Variants in TWF1 observed in about 807,000 individuals in gnomAD.
TWF1 encodes twinfilin actin binding protein 1.
Under a neutral mutation model 47.9 loss-of-function variants are expected in TWF1, and 14 were observed. The observed-to-expected ratio is 0.29, with a 90% CI of 0.19 to 0.46. The LOEUF is 0.46. Among genes scored for constraint, TWF1 ranks in the 20% least tolerant of loss-of-function variants. TWF1 has a pLI of 1.00. For synonymous variants in TWF1, 96 were observed against 139.2 expected (o/e 0.69, Z 2.18); for missense variants, 281 against 409.3 (o/e 0.69, Z 2.70).
chr12:43,797,129 G>T (rs1324661998), intron 7 of TWF1, 32 bp from the exon 8 acceptor site: 1 of 1,551,864 alleles, frequency 6.4e-7, no homozygotes, highest in East Asian at 2.3e-5. Context: ...AATATAATTA[G>T]CATATCAATA....
At chr12:43,800,403 C>T in intron 4 of TWF1, 32 bp downstream of exon 4, 1 of 1,528,470 alleles carries the variant, frequency 6.5e-7, no homozygotes, top group Non-Finnish European at 9.0e-7. Context: ...ATTTTAATTG[C>T]AACATATAGA....
At chr12:43,805,706 T>A in intron 1 of TWF1, 1 of 953,988 alleles carries the variant, frequency 1.0e-6, no homozygotes, top group Non-Finnish European at 1.5e-6. Context: ...TTTTCCTATT[T>A]GGAGAGAAAA....
chr12:43,804,417 C>T, intron 2 of TWF1, 78 bp downstream of exon 2: 1 of 894,270 alleles, frequency 1.1e-6, no homozygotes, highest in Non-Finnish European at 1.8e-6. Flanking sequence ...GTTCAAATCA[C>T]TGACAACACA....
Position 43,799,514 on chromosome 12 carries a change from G to C in TWF1, c.379-12C>G. Reference sequence around the variant, plus strand: ...AATGATACATCTTCCTGTAAGTACAGAATAGACTATAATCAGTAATTCTCT... The same window carrying C: ...AATGATACATCTTCCTGTAAGTACACAATAGACTATAATCAGTAATTCTCT... On this transcript the variant is annotated splice_polypyrimidine_tract_variant and intron_variant, in intron 4 of 8. Coordinates refer to ENST00000395510, the MANE Select transcript of TWF1 (RefSeq NM_002822.5). The C allele has an allele frequency of 6.7e-7, 1 of 1,483,348 alleles. No homozygotes were observed. 91.9% of individuals were successfully genotyped at this position (1,483,348 alleles called of 1,614,324 possible).
At chr12:43,806,107 G>C (rs1337311466) in intron 1 of TWF1, 114 bp downstream of exon 1, 16 of 1,522,734 alleles carry the variant, frequency 1.1e-5, no homozygotes, top group Non-Finnish European at 1.4e-5. Context: ...CGCCCCGCGA[G>C]ACCGACTTCC....
chr12:43,797,493 T>C, intron 6 of TWF1, 41 bp from the exon 7 acceptor site: 1 of 1,468,800 alleles, frequency 6.8e-7, no homozygotes, highest in Non-Finnish European at 9.2e-7. Context: ...AAACCAGATA[T>C]AAGGAAATTA....
chr12:43,804,249 C>T (rs980744342), intron 2 of TWF1: 2 of 497,856 alleles, frequency 4.0e-6, no homozygotes, highest in African/African-American at 3.9e-5. Context: ...AACTGAGACA[C>T]AAAAAGTAAA....
At position 43,806,305 on chromosome 12, in the gene TWF1, G is replaced by A; in HGVS notation, c.-60C>T. The stretch of plus-strand genomic sequence containing the variant: ...GTGCAGCCAGCGGCCCCGGCCGGCG[G>A]CCCCAGGAAGTGGCTGCTCCTCCGC... On this transcript the variant is annotated 5_prime_UTR_variant, in exon 1 of 9. Transcript: ENST00000395510. The A allele has an allele frequency of 3.5e-6, 5 of 1,429,998 alleles. No individual in the cohort carries two copies. Among genetic ancestry groups the A allele is most frequent in the Middle Eastern group, 2.4e-4 (1 of 4,082 alleles). 88.6% of individuals were successfully genotyped at this position (1,429,998 alleles called of 1,614,324 possible). A position where few individuals can be genotyped will look rare whatever the true frequency, so the allele number is the denominator to read the frequency against.
chr12:43,800,362 T>C lies in TWF1; in HGVS notation c.378+73A>G, dbSNP rs1313908951. The C allele has an allele frequency of 5.8e-6, 6 of 1,035,162 alleles. No homozygotes were observed. The Admixed American group carries it at 1.3e-4, about 22-fold the overall frequency. 64.1% of individuals were successfully genotyped at this position (1,035,162 alleles called of 1,614,324 possible). A position where few individuals can be genotyped will look rare whatever the true frequency, so the allele number is the denominator to read the frequency against. The stretch of plus-strand genomic sequence containing the variant: ...GATTATCCATCTGAATTCGTATCAA[T>C]TACCCATTACCTAGGAGTTCCTCTT... On this transcript the variant is annotated intron_variant, in intron 4 of 8. Transcript: ENST00000395510.
At position 43,805,550 on chromosome 12, in the gene TWF1, G is replaced by GA. The variant is rs555740656; in HGVS notation, c.25+670dup. 116 of 458,940 alleles carry GA rather than the reference G, an allele frequency of 2.5e-4. 1 individual carries two copies. The East Asian group carries it at 7.6e-3, about 30-fold the overall frequency. 28.4% of individuals were successfully genotyped at this position (458,940 alleles called of 1,614,324 possible). ...TGCAGGCTGCCCAATTTCAAACCAG[G>GA]AAATAATGGAGGTCAGATATAACTG... On this transcript the variant is annotated intron_variant, in intron 1 of 8. Coordinates refer to ENST00000395510, the MANE Select transcript of TWF1 (RefSeq NM_002822.5).
At position 43,797,817 on chromosome 12, in the gene TWF1, CCCA is replaced by C; in HGVS notation, c.497_499del (p.Val166del). On this transcript the variant is annotated inframe_deletion, in exon 6 of 9. Transcript: ENST00000395510. Reference sequence around the variant, plus strand: ...TAGTGTTTGATGCTTAGTGTCCACACCCACGTCAGTCTGTACCTAAGTATGACA... The same window carrying C: ...TAGTGTTTGATGCTTAGTGTCCACACCGTCAGTCTGTACCTAAGTATGACA... 6.2e-7 allele frequency: 1 copy of C among 1,613,226 alleles called. No individual in the cohort carries two copies. The highest frequency in any genetic ancestry group is 2.2e-5 in the East Asian group (1 of 44,856).
At chr12:43,799,872 T>C (rs1347931097) in intron 4 of TWF1, among the ~76,000 whole-genome samples, 1 of 152,096 alleles carries the variant, frequency 6.6e-6, no homozygotes, top group Non-Finnish European at 1.5e-5. Flanking sequence ...CTGAATACTA[T>C]GTTATAATGC....
rs760088863 is a variant in TWF1 at position 43,797,760 on chromosome 12, G to A, written c.557C>T (p.Ala186Val). The A allele has an allele frequency of 1.9e-6, 3 of 1,613,332 alleles. No individual in the cohort carries two copies. Among genetic ancestry groups the A allele is most frequent in the Non-Finnish European group, 1.7e-6 (2 of 1,179,562 alleles). ...QGVAFPISREAFQALEKLNNR... is the reference protein window; with the variant it reads ...QGVAFPISREVFQALEKLNNR... The stretch of plus-strand genomic sequence containing the variant: ...ATTCAATTTTTCCAAAGCCTGAAAG[G>A]CTTCTCGAGAAATGGGAAATGCTAC... Residue 186 changes from alanine (A) to valine (V), a missense_variant, in exon 6 of 9, where the codon GCC (alanine) becomes GTC (valine). Coordinates refer to ENST00000395510, the MANE Select transcript of TWF1 (RefSeq NM_002822.5).
At position 43,797,046 on chromosome 12, in the gene TWF1, A is replaced by G; in HGVS notation, c.812T>C (p.Leu271Pro). The G allele has an allele frequency of 6.2e-7, 1 of 1,611,470 alleles. No individual in the cohort carries two copies. The highest frequency in any genetic ancestry group is 8.5e-7 in the Non-Finnish European group (1 of 1,178,706). ...CAGACGGCTCTTGCAGCTAGAATAC[A>G]GCATCCGCTCTCTTATACTGCATGT... The part of the protein sequence containing the change: ...GYTCSIRERM[L>P]YSSCKSRLLE... Residue 271 changes from leucine to proline, a missense_variant, in exon 8 of 9, where the codon CTG (leucine) becomes CCG (proline). Physicochemically the swap from Leu to Pro is moderately conservative, Grantham distance 98. Transcript: ENST00000395510.
intron 3 of TWF1, among the ~76,000 whole-genome samples, chr12:43,801,903 G>A (rs1301629341): frequency 6.6e-6 from 1 of 152,134 alleles, no homozygotes; most frequent in African/African-American, 2.4e-5. Context: ...GGTGGCACAT[G>A]CCTGTAATCC....
intron 8 of TWF1, among the ~76,000 whole-genome samples, chr12:43,796,219 G>A (rs1942548036): frequency 6.6e-6 from 1 of 152,086 alleles, no homozygotes; most frequent in Non-Finnish European, 1.5e-5. Flanking sequence ...GATTATATGT[G>A]GCTTGGCAAA....
At chr12:43,804,614 T>C in intron 1 of TWF1, 42 bp from the exon 2 acceptor site, 1 of 1,348,944 alleles carries the variant, frequency 7.4e-7, no homozygotes, top group Non-Finnish European at 1.0e-6. Context: ...TATACTTACA[T>C]ATAAATACTT....
At position 43,799,520 on chromosome 12, in the gene TWF1, A is replaced by C; in HGVS notation, c.379-18T>G. On this transcript the variant is annotated intron_variant, in intron 4 of 8. Coordinates refer to ENST00000395510, the MANE Select transcript of TWF1 (RefSeq NM_002822.5). ...ACATCTTCCTGTAAGTACAGAATAG[A>C]CTATAATCAGTAATTCTCTAGAAGT... 2 of 1,418,580 alleles carry C rather than the reference A, an allele frequency of 1.4e-6. No homozygotes were observed. The highest frequency in any genetic ancestry group is 2.0e-6 in the Non-Finnish European group (2 of 1,025,088). 87.9% of individuals were successfully genotyped at this position (1,418,580 alleles called of 1,614,324 possible).
chr12:43,800,573 T>C, intron 3 of TWF1, 43 bp from the exon 4 acceptor site: 1 of 1,478,432 alleles, frequency 6.8e-7, no homozygotes, highest in East Asian at 2.3e-5. Context: ...GATGAAAACA[T>C]AACATTACAA....
Sources: allele counts gnomAD v4.1 joint callset (sites outside exome capture counted in the v4.1 genomes callset), GRCh38; gene constraint gnomAD v4.1.1; transcripts MANE v1.5; gene names NCBI Gene and HGNC (gene_info 2026-07-23, HGNC 2026-07-21).